Variants in SPATA31D3 observed in about 807,000 individuals in gnomAD.
SPATA31D3 encodes spermatogenesis-associated protein 31D3.
For missense variants in SPATA31D3, 91 were observed against 297.9 expected, an observed-to-expected ratio of 0.31 and a Z score of 5.11; for synonymous variants, 27 against 107.8, an observed-to-expected ratio of 0.25 and a Z score of 4.65.
chr9:81,949,883 A>G lies in SPATA31D3; in HGVS notation c.*1876A>G, dbSNP rs543257404. On this transcript the variant is annotated 3_prime_UTR_variant, in exon 4 of 4. Transcript: ENST00000445385. ...CCATGCCCCACAGGAAGCCTGTGCC[A>G]CAGCCAAACCCCACTTGCAGTGTGA... 8.9e-5 allele frequency: 68 copies of G among 760,558 alleles called. No homozygotes were observed. In the Middle Eastern group the frequency reaches 9.9e-4, roughly 11 times the overall value. 47.1% of individuals were successfully genotyped at this position (760,558 alleles called of 1,614,324 possible).
chr9:81,950,009 C>T lies in SPATA31D3; in HGVS notation c.*2002C>T. The T allele has an allele frequency of 2.9e-6, 1 of 346,576 alleles. No individual in the cohort carries two copies. The allele number at this position is 346,576 out of a possible 1,614,324, so 21.5% of individuals were successfully genotyped here. A position where few individuals can be genotyped will look rare whatever the true frequency, so the allele number is the denominator to read the frequency against. On this transcript the variant is annotated 3_prime_UTR_variant, in exon 4 of 4. Coordinates refer to ENST00000445385, the MANE Select transcript of SPATA31D3 (RefSeq NM_207416.3). ...ACAGAAAATACTTCCAAAGCATTTGCAGGGAGGAAAATTTCCCCCCAAAAA... is the reference window on the plus strand; with the variant it reads ...ACAGAAAATACTTCCAAAGCATTTGTAGGGAGGAAAATTTCCCCCCAAAAA...
chr9:81,949,400 T>G lies in SPATA31D3; in HGVS notation c.*1393T>G, dbSNP rs1823974815. 5 of 368,424 alleles carry G rather than the reference T, an allele frequency of 1.4e-5. No individual in the cohort carries two copies. The South Asian group carries it at 1.7e-4, about 12-fold the overall frequency. The allele number at this position is 368,424 out of a possible 1,614,324, so 22.8% of individuals were successfully genotyped here. A position where few individuals can be genotyped will look rare whatever the true frequency, so the allele number is the denominator to read the frequency against. ...TTTTTGCAGCAGTCTAATAAACCCATCATAACATATGGAAAACAAGAAAGT... is the reference window on the plus strand; with the variant it reads ...TTTTTGCAGCAGTCTAATAAACCCAGCATAACATATGGAAAACAAGAAAGT... On this transcript the variant is annotated 3_prime_UTR_variant, in exon 4 of 4. Coordinates refer to ENST00000445385, the MANE Select transcript of SPATA31D3 (RefSeq NM_207416.3).
Position 81,949,513 on chromosome 9 carries a change from G to A in SPATA31D3, c.*1506G>A. Reference sequence around the variant, plus strand: ...AGCTGTCTTTACTGGGACTATTGAAGCTCAGAAAATTAGGAAAGACACTGG... The same window carrying A: ...AGCTGTCTTTACTGGGACTATTGAAACTCAGAAAATTAGGAAAGACACTGG... On this transcript the variant is annotated 3_prime_UTR_variant, in exon 4 of 4. Coordinates refer to ENST00000445385, the MANE Select transcript of SPATA31D3 (RefSeq NM_207416.3). The A allele has an allele frequency of 1.8e-6, 1 of 551,778 alleles. No homozygotes were observed. Among genetic ancestry groups the A allele is most frequent in the Admixed American group, 2.8e-5 (1 of 35,946 alleles). The allele number at this position is 551,778 out of a possible 1,614,324, so 34.2% of individuals were successfully genotyped here.
At position 81,949,432 on chromosome 9, in the gene SPATA31D3, G is replaced by A. The variant is rs567316741; in HGVS notation, c.*1425G>A. ...ATATGGAAAACAAGAAAGTTCCTAGGAAAAGGGTAGCTCCTTGTCATCATC... is the reference window on the plus strand; with the variant it reads ...ATATGGAAAACAAGAAAGTTCCTAGAAAAAGGGTAGCTCCTTGTCATCATC... On this transcript the variant is annotated 3_prime_UTR_variant, in exon 4 of 4. Transcript: ENST00000445385. 282 of 374,262 alleles carry A rather than the reference G, an allele frequency of 7.5e-4. 2 individuals carry two copies. Among genetic ancestry groups the A allele is most frequent in the South Asian group, 2.4e-3 (67 of 27,386 alleles). The allele number at this position is 374,262 out of a possible 1,614,324, so 23.2% of individuals were successfully genotyped here.
At position 81,949,940 on chromosome 9, in the gene SPATA31D3, A is replaced by G. The variant is rs1445364926; in HGVS notation, c.*1933A>G. ...CCTGGTGCCTCCGGTCATCCTGACC[A>G]GTGCTAAAAACACTGTGTTCAGTGA... On this transcript the variant is annotated 3_prime_UTR_variant, in exon 4 of 4. Transcript: ENST00000445385. The G allele has an allele frequency of 5.5e-6, 3 of 550,356 alleles. No homozygotes were observed. The highest frequency in any genetic ancestry group is 9.9e-6 in the Non-Finnish European group (3 of 302,296). The allele number at this position is 550,356 out of a possible 1,614,324, so 34.1% of individuals were successfully genotyped here.
At position 81,949,694 on chromosome 9, in the gene SPATA31D3, TG is replaced by T; in HGVS notation, c.*1689del. 7.3e-7 allele frequency: 1 copy of T among 1,378,472 alleles called. No homozygotes were observed. The highest frequency in any genetic ancestry group is 1.0e-6 in the Non-Finnish European group (1 of 971,628). The allele number at this position is 1,378,472 out of a possible 1,614,324, so 85.4% of individuals were successfully genotyped here. A position where few individuals can be genotyped will look rare whatever the true frequency, so the allele number is the denominator to read the frequency against. ...GTCCAGGGCTATCCCTGCAACTACA[TG>T]GCTCCCTCCTGCAAAGTGACATGTA... On this transcript the variant is annotated 3_prime_UTR_variant, in exon 4 of 4. Coordinates refer to ENST00000445385, the MANE Select transcript of SPATA31D3 (RefSeq NM_207416.3).
rs566116923 is a variant in SPATA31D3, at chr9:81,948,145, G to A, written c.*138G>A. ...TATTTCTCAGGGAGATTCCAAAGAT[G>A]GGGTCTCTAAGTCTTGTAGACGAAG... On this transcript the variant is annotated 3_prime_UTR_variant, in exon 4 of 4. Transcript: ENST00000445385. 80 of 1,418,290 alleles carry A rather than the reference G, an allele frequency of 5.6e-5. 2 individuals carry two copies. In the South Asian group the frequency reaches 1.0e-3, roughly 18 times the overall value. 87.9% of individuals were successfully genotyped at this position (1,418,290 alleles called of 1,614,324 possible).
At position 81,950,052 on chromosome 9, in the gene SPATA31D3, G is replaced by T. The variant is rs1824011153; in HGVS notation, c.*2045G>T. ...CCCAAAAAATAATTAACTCCTTGTT[G>T]AGAATCTTGACTCTCCCCAATAAAC... On this transcript the variant is annotated 3_prime_UTR_variant, in exon 4 of 4. Transcript: ENST00000445385. The T allele has an allele frequency of 3.3e-6, 1 of 304,388 alleles. No individual in the cohort carries two copies. Among genetic ancestry groups the T allele is most frequent in the South Asian group, 6.6e-5 (1 of 15,144 alleles). The allele number at this position is 304,388 out of a possible 1,614,324, so 18.9% of individuals were successfully genotyped here. A position where few individuals can be genotyped will look rare whatever the true frequency, so the allele number is the denominator to read the frequency against.
Position 81,949,608 on chromosome 9 carries a change from C to A in SPATA31D3, c.*1601C>A. The A allele has an allele frequency of 1.4e-6, 1 of 707,864 alleles. No homozygotes were observed. The highest frequency in any genetic ancestry group is 1.6e-5 in the South Asian group (1 of 63,646). 43.8% of individuals were successfully genotyped at this position (707,864 alleles called of 1,614,324 possible). A position where few individuals can be genotyped will look rare whatever the true frequency, so the allele number is the denominator to read the frequency against. On this transcript the variant is annotated 3_prime_UTR_variant, in exon 4 of 4. Transcript: ENST00000445385. Reference sequence around the variant, plus strand: ...TCACCTGTCCCCAGGAGCCCCTTTCCTCCCCAGTGCAGCTTGGGAAATCTC... The same window carrying A: ...TCACCTGTCCCCAGGAGCCCCTTTCATCCCCAGTGCAGCTTGGGAAATCTC...
chr9:81,948,155 A>G lies in SPATA31D3; in HGVS notation c.*148A>G. 4 of 1,418,534 alleles carry G rather than the reference A, an allele frequency of 2.8e-6. No homozygotes were observed. The highest frequency in any genetic ancestry group is 1.9e-5 in the African/African-American group (1 of 52,202). The allele number at this position is 1,418,534 out of a possible 1,614,324, so 87.9% of individuals were successfully genotyped here. On this transcript the variant is annotated 3_prime_UTR_variant, in exon 4 of 4. Transcript: ENST00000445385. ...GGAGATTCCAAAGATGGGGTCTCTA[A>G]GTCTTGTAGACGAAGCACTTTTCAA... is the stretch of plus-strand genomic sequence containing the variant.
rs1200694410 is a variant in SPATA31D3, at chr9:81,950,016, G to A, written c.*2009G>A. The A allele has an allele frequency of 9.0e-6, 3 of 332,436 alleles. No individual in the cohort carries two copies. Among genetic ancestry groups the A allele is most frequent in the African/African-American group, 2.1e-5 (1 of 47,324 alleles). The allele number at this position is 332,436 out of a possible 1,614,324, so 20.6% of individuals were successfully genotyped here. A position where few individuals can be genotyped will look rare whatever the true frequency, so the allele number is the denominator to read the frequency against. ...ATACTTCCAAAGCATTTGCAGGGAGGAAAATTTCCCCCCAAAAAATAATTA... is the reference window on the plus strand; with the variant it reads ...ATACTTCCAAAGCATTTGCAGGGAGAAAAATTTCCCCCCAAAAAATAATTA... On this transcript the variant is annotated 3_prime_UTR_variant, in exon 4 of 4. Transcript: ENST00000445385.
At position 81,949,668 on chromosome 9, in the gene SPATA31D3, T is replaced by A; in HGVS notation, c.*1661T>A. The A allele has an allele frequency of 8.8e-7, 1 of 1,138,154 alleles. No individual in the cohort carries two copies. The highest frequency in any genetic ancestry group is 1.5e-5 in the African/African-American group (1 of 65,518). The allele number at this position is 1,138,154 out of a possible 1,614,324, so 70.5% of individuals were successfully genotyped here. On this transcript the variant is annotated 3_prime_UTR_variant, in exon 4 of 4. Transcript: ENST00000445385. Reference sequence around the variant, plus strand: ...CAGAACTGCAGGTCAGAGCAGAGCCTGTCCAGGGCTATCCCTGCAACTACA... The same window carrying A: ...CAGAACTGCAGGTCAGAGCAGAGCCAGTCCAGGGCTATCCCTGCAACTACA...
At position 81,949,812 on chromosome 9, in the gene SPATA31D3, A is replaced by G; in HGVS notation, c.*1805A>G. Reference sequence around the variant, plus strand: ...TAGACAAGGACAGATAGCCCCAGGAAGTTGGACATTTAAGGGGAAGATATT... The same window carrying G: ...TAGACAAGGACAGATAGCCCCAGGAGGTTGGACATTTAAGGGGAAGATATT... On this transcript the variant is annotated 3_prime_UTR_variant, in exon 4 of 4. Coordinates refer to ENST00000445385, the MANE Select transcript of SPATA31D3 (RefSeq NM_207416.3). 1 of 1,209,464 alleles carries G rather than the reference A, an allele frequency of 8.3e-7. No homozygotes were observed. The highest frequency in any genetic ancestry group is 1.2e-6 in the Non-Finnish European group (1 of 822,662). The allele number at this position is 1,209,464 out of a possible 1,614,324, so 74.9% of individuals were successfully genotyped here.
intron 3 of SPATA31D3, 62 bp downstream of exon 3, chr9:81,945,294 T>TTTTTTTTTTTTTTTTTTTTTTTTG (rs1823873453): frequency 1.6e-6 from 2 of 1,245,914 alleles, no homozygotes; most frequent in African/African-American, 1.7e-5. Context: ...TTTTTTTTTT[T>TTTTTTTTTTTTTTTTTTTTTTTTG]TTTTTTTTTT....
intron 3 of SPATA31D3, 113 bp downstream of exon 3, chr9:81,945,345 T>TTGTA: frequency 4.3e-6 from 2 of 466,568 alleles, no homozygotes; most frequent in South Asian, 4.2e-5. Flanking sequence ...CAGGGATTCC[T>TTGTA]TGTAGCCTGC....
In SPATA31D3 at chr9:81,948,182, G is replaced by C. The variant is rs1823936738; in HGVS notation, c.*175G>C. On this transcript the variant is annotated 3_prime_UTR_variant, in exon 4 of 4. Transcript: ENST00000445385. ...TCTTGTAGACGAAGCACTTTTCAAG[G>C]AGAAAAGTTGGGAACAACAAGCTCA... The C allele has an allele frequency of 7.7e-7, 1 of 1,297,880 alleles. No homozygotes were observed. The highest frequency in any genetic ancestry group is 2.3e-5 in the East Asian group (1 of 42,654). The allele number at this position is 1,297,880 out of a possible 1,614,324, so 80.4% of individuals were successfully genotyped here.
Position 81,947,899 on chromosome 9 carries a change from C to T in SPATA31D3, c.2646C>T (p.Arg882=), listed in dbSNP as rs141333443. Residue 882 remains arginine, a synonymous_variant, in exon 4 of 4, where the codon CGC becomes CGT. Transcript: ENST00000445385. ...CAGCATTGGTGAGTGAGGACCACCG[C>T]GTTGATACCTCCCAGGAGATGTCCT... ...NLAALVSEDH[R]VDTSQEMSFL... The T allele has an allele frequency of 9.8e-4, 1,580 of 1,611,722 alleles. 5 individuals are homozygous for T. In the African/African-American group the frequency reaches 0.016, roughly 16 times the overall value.
Position 81,947,996 on chromosome 9 carries a change from C to A in SPATA31D3, c.2743C>A (p.Leu915Ile), listed in dbSNP as rs750013570. 3.8e-6 allele frequency: 6 copies of A among 1,573,340 alleles called. No individual in the cohort carries two copies. The Admixed American group carries it at 1.1e-4, about 30-fold the overall frequency. The change falls in exon 4 of 4, where the codon CTT becomes ATT. Residue 915 changes from leucine to isoleucine, a missense_variant. Physicochemically the swap from Leu to Ile is conservative, Grantham distance 5 (BLOSUM62 2). Coordinates refer to ENST00000445385, the MANE Select transcript of SPATA31D3 (RefSeq NM_207416.3). ...TTTCCATATGAAGCCCATATTAAAT[C>A]TTTCCATATGAGGATGCTGTGGGGC... ...KSFHMKPILNLSI is the reference protein window; with the variant it reads ...KSFHMKPILNISI
intron 3 of SPATA31D3, 45 bp downstream of exon 3, chr9:81,945,277 T>C (rs1208685349): frequency 2.4e-6 from 2 of 841,596 alleles, no homozygotes; most frequent in Non-Finnish European, 1.6e-6. Flanking sequence ...CGCCTTCTTT[T>C]TTTTTTTTTT....
Sources: allele counts gnomAD v4.1 joint callset, GRCh38; gene constraint gnomAD v4.1.1; transcripts MANE v1.5; gene names NCBI Gene and HGNC (gene_info 2026-07-23, HGNC 2026-07-21).